Variants in ALG9 observed in about 807,000 individuals in gnomAD.
ALG9 encodes alpha-1,2-mannosyltransferase ALG9.
A neutral mutation model predicts 81.8 loss-of-function variants in ALG9; 55 were observed. That is an observed-to-expected ratio of 0.67 (90% CI 0.54 to 0.84). The LOEUF is 0.84. Among genes scored for constraint, ALG9 ranks in the 40% least tolerant of loss-of-function variants. The pLI, the probability that ALG9 is intolerant of heterozygous loss-of-function variation, is 0.00. For missense variants in ALG9, 629 were observed against 745.0 expected, an observed-to-expected ratio of 0.84 and a Z score of 1.81; for synonymous variants, 278 against 274.3, an observed-to-expected ratio of 1.01 and a Z score of -0.13.
chr11:111,857,039 G>A (rs958975839), intron 6 of ALG9, among the ~76,000 whole-genome samples: 5 of 152,256 alleles, frequency 3.3e-5, no homozygotes, highest in South Asian at 2.1e-4. Context: ...CCCAGGAGGC[G>A]GAGGTTGTGA....
At chr11:111,792,851 G>A (rs1555071667) in intron 14 of ALG9, among the ~76,000 whole-genome samples, 2 of 152,160 alleles carry the variant, frequency 1.3e-5, no homozygotes, top group Non-Finnish European at 2.9e-5. Context: ...TTCTGGCTGT[G>A]ATCTTTAGTA....
At chr11:111,867,385 G>T (rs903117595) in intron 3 of ALG9, among the ~76,000 whole-genome samples, 1 of 152,080 alleles carries the variant, frequency 6.6e-6, no homozygotes, top group Non-Finnish European at 1.5e-5. Flanking sequence ...AGATGACAGA[G>T]GTGTCAGAAT....
At chr11:111,805,919 T>G (rs1213671970) in intron 14 of ALG9, among the ~76,000 whole-genome samples, 1 of 152,132 alleles carries the variant, frequency 6.6e-6, no homozygotes, top group East Asian at 1.9e-4. Context: ...TGCAGTGGTG[T>G]GATCTTGGCT....
intron 14 of ALG9, among the ~76,000 whole-genome samples, chr11:111,799,446 C>CTTT (rs35858293): frequency 7.1e-6 from 1 of 141,462 alleles, no homozygotes; most frequent in Non-Finnish European, 1.5e-5. Context: ...CGGCTGATTC[C>CTTT]TTTTTTTTTT....
chr11:111,768,287 A>T, the ALG9 span, among the ~76,000 whole-genome samples: 1 of 152,220 alleles, frequency 6.6e-6, no homozygotes, highest in Non-Finnish European at 1.5e-5. Flanking sequence ...TTTTAGCAAA[A>T]TACATCATTT....
chr11:111,853,759 G>C lies in ALG9; in HGVS notation c.702-23C>G, dbSNP rs369193860. 27 of 1,588,286 alleles carry C rather than the reference G, an allele frequency of 1.7e-5. No individual in the cohort carries two copies. The African/African-American group carries it at 3.1e-4, about 18-fold the overall frequency. ...AAACTATTTAACAGAGAAACAGAGC[G>C]GGGAGTTAAATAAATACTGACAGAG... On this transcript the variant is annotated intron_variant, in intron 6 of 14. Transcript: ENST00000616540.
At chr11:111,856,368 G>A (rs1958686242) in intron 6 of ALG9, among the ~76,000 whole-genome samples, 1 of 151,272 alleles carries the variant, frequency 6.6e-6, no homozygotes, top group South Asian at 2.1e-4. Context: ...TACCAATAAG[G>A]CAATAAGTAA....
At chr11:111,854,645 T>G (rs1958384682) in intron 6 of ALG9, among the ~76,000 whole-genome samples, 1 of 152,226 alleles carries the variant, frequency 6.6e-6, no homozygotes, top group African/African-American at 2.4e-5. Flanking sequence ...CAGTACCTCT[T>G]CTGTGATTTG....
At chr11:111,781,300 T>C (rs1468413461), downstream of ALG9, among the ~76,000 whole-genome samples, 1 of 152,164 alleles carries the variant, frequency 6.6e-6, no homozygotes, top group Non-Finnish European at 1.5e-5. Flanking sequence ...TAGGAATTCA[T>C]TTACAAAAAA....
chr11:111,807,385 A>G (rs1555086159), intron 14 of ALG9, among the ~76,000 whole-genome samples: 1 of 152,054 alleles, frequency 6.6e-6, no homozygotes, highest in Non-Finnish European at 1.5e-5. Flanking sequence ...AGATGTCCAC[A>G]TGGTTAATGC....
At chr11:111,871,280 C>G in intron 1 of ALG9, 72 bp downstream of exon 1, 3 of 1,363,166 alleles carry the variant, frequency 2.2e-6, no homozygotes, top group Non-Finnish European at 2.8e-6. Context: ...CGCGCCACAG[C>G]TAAGACCCTC....
chr11:111,837,740 C>CAT, intron 11 of ALG9, 125 bp from the exon 12 acceptor site: 1 of 1,074,566 alleles, frequency 9.3e-7, no homozygotes. Flanking sequence ...GGGCCATAGC[C>CAT]ATTCCAGCAT....
At chr11:111,868,369 C>T (rs1963172810) in intron 3 of ALG9, among the ~76,000 whole-genome samples, 2 of 152,246 alleles carry the variant, frequency 1.3e-5, no homozygotes, top group South Asian at 4.1e-4. Context: ...CACTAAACCA[C>T]AAGTTTCATT....
At position 111,786,292 on chromosome 11, in the gene ALG9, A is replaced by T. The variant is rs1275544837; in HGVS notation, c.*105T>A. 1 of 1,554,218 alleles carries T rather than the reference A, an allele frequency of 6.4e-7. No homozygotes were observed. ...GCACCCAGATTCCAGTATTCATGTC[A>T]GAAGACCTTTATTACAAATGTTACA... On this transcript the variant is annotated 3_prime_UTR_variant, in exon 15 of 15. Transcript: ENST00000616540.
chr11:111,833,106 T>C (rs1190790193), intron 13 of ALG9, among the ~76,000 whole-genome samples: 1 of 152,130 alleles, frequency 6.6e-6, no homozygotes, highest in African/African-American at 2.4e-5. Flanking sequence ...AAAAAGTCTT[T>C]TTCTGTAAGC....
At chr11:111,776,319 G>C in the ALG9 span, among the ~76,000 whole-genome samples, 2 of 152,186 alleles carry the variant, frequency 1.3e-5, no homozygotes, top group African/African-American at 2.4e-5. Context: ...GCTGGACATA[G>C]TGGTTCACGC....
chr11:111,798,643 A>G (rs1555077677), intron 14 of ALG9, among the ~76,000 whole-genome samples: 2 of 152,244 alleles, frequency 1.3e-5, no homozygotes, highest in African/African-American at 4.8e-5. Flanking sequence ...ATGGCCACAG[A>G]GTAACAAATG....
At chr11:111,774,571 A>G in the ALG9 span, among the ~76,000 whole-genome samples, 3 of 152,288 alleles carry the variant, frequency 2.0e-5, no homozygotes, top group African/African-American at 4.8e-5. Flanking sequence ...ATGGAAGGGA[A>G]TTTTTTCAGT....
rs370630559 is a variant in ALG9 at position 111,859,850 on chromosome 11, A to G, written c.565+697T>C. On this transcript the variant is annotated intron_variant, in intron 5 of 14. Coordinates refer to ENST00000616540, the MANE Select transcript of ALG9 (RefSeq NM_024740.2). ...ATACTAGATCCTGGTACACACAAGC[A>G]GAAACTAAAATTGAGACAATTATAT... is the stretch of plus-strand genomic sequence containing the variant. 1.2e-4 allele frequency among the ~76,000 whole-genome samples: 18 copies of G among 152,190 alleles called. No individual in the cohort carries two copies. In the South Asian group the frequency reaches 3.5e-3, roughly 30 times the overall value.
Sources: gnomAD v4.1 joint callset for allele counts (sites outside exome capture counted in the v4.1 genomes callset) on GRCh38, gnomAD v4.1.1 for gene constraint, MANE v1.5 for transcripts, NCBI Gene and HGNC (gene_info 2026-07-23, HGNC 2026-07-21) for gene names.